The following RPS6KA3 variants were observed in gnomAD, a reference collection of about 807,000 sequenced individuals.
RPS6KA3 encodes the protein ribosomal protein S6 kinase A3, also known as ribosomal protein S6 kinase alpha-3.
A neutral mutation model predicts 67.2 loss-of-function variants in RPS6KA3; 4 were observed. That is an observed-to-expected ratio of 0.06 (90% CI 0.03 to 0.14). The LOEUF is 0.14. Among genes scored for constraint, RPS6KA3 ranks in the 10% least tolerant of loss-of-function variants. RPS6KA3 has a pLI of 1.00. For synonymous variants in RPS6KA3, 182 were observed against 183.7 expected, an observed-to-expected ratio of 0.99 and a Z score of 0.07; for missense variants, 204 against 559.0, an observed-to-expected ratio of 0.36 and a Z score of 6.40.
At chrX:20,241,120 T>C (rs1399990848) in intron 1 of RPS6KA3, among the ~76,000 whole-genome samples, 1 of 110,939 alleles carries the variant, frequency 9.0e-6, no homozygotes, top group Non-Finnish European at 1.9e-5. Flanking sequence ...CATTGTTCTA[T>C]TTTCTAGATG....
At chrX:20,255,598 C>T (rs2070020991) in intron 1 of RPS6KA3, among the ~76,000 whole-genome samples, 1 of 109,530 alleles carries the variant, frequency 9.1e-6, no homozygotes, top group Non-Finnish European at 1.9e-5. Flanking sequence ...ACCAACCTGG[C>T]CAACATGGCA....
At chrX:20,170,589 A>G (rs1431737397) in intron 15 of RPS6KA3, among the ~76,000 whole-genome samples, 1 of 111,137 alleles carries the variant, frequency 9.0e-6, no homozygotes, top group Non-Finnish European at 1.9e-5. Context: ...AATGAACAGT[A>G]AATGTATTTT....
intron 1 of RPS6KA3, among the ~76,000 whole-genome samples, chrX:20,264,258 C>T (rs113508629): frequency 0.029 from 3,243 of 112,339 alleles, 108 homozygotes; most frequent in African/African-American, 0.094. Flanking sequence ...TCTTTGAAAA[C>T]AGCAAATTGT....
chrX:20,185,687 T>C, intron 10 of RPS6KA3, among the ~76,000 whole-genome samples: 1 of 111,988 alleles, frequency 8.9e-6, no homozygotes, highest in Admixed American at 9.5e-5. Flanking sequence ...ACTTTACTTT[T>C]TTGCTTGACT....
In RPS6KA3 at chrX:20,209,371, G is replaced by T; in HGVS notation, c.160C>A (p.His54Asn). ...EVSIKEIAIT[H>N]HVKEGHEKAD... ...TTTTCATGTCCTTCCTTTACATGAT[G>T]TGTGATTGCAATTTCTTTGATACTG... Residue 54 changes from histidine (H) to asparagine (N), a missense_variant, in exon 3 of 22, where the codon CAT becomes AAT. His to Asn is a moderately conservative substitution (Grantham distance 68). Coordinates refer to ENST00000379565, the MANE Select transcript of RPS6KA3 (RefSeq NM_004586.3). 1 of 1,192,057 alleles carries T rather than the reference G, an allele frequency of 8.4e-7. No individual in the cohort carries two copies. The highest frequency in any genetic ancestry group is 1.1e-6 in the Non-Finnish European group (1 of 877,809).
intron 19 of RPS6KA3, among the ~76,000 whole-genome samples, chrX:20,162,497 G>A (rs2067329553): frequency 9.3e-6 from 1 of 107,396 alleles, no homozygotes; most frequent in Non-Finnish European, 1.9e-5. Context: ...GTATATATTA[G>A]ATAACACGAG....
At chrX:20,243,651 A>G (rs1603431064) in intron 1 of RPS6KA3, among the ~76,000 whole-genome samples, 1 of 108,444 alleles carries the variant, frequency 9.2e-6, no homozygotes, top group East Asian at 2.9e-4. Flanking sequence ...ACATCCAGCT[A>G]ATTTTTGTAT....
Position 20,154,597 on chromosome X carries a change from T to C in RPS6KA3, c.*801A>G, listed in dbSNP as rs1037385596. On this transcript the variant is annotated 3_prime_UTR_variant, in exon 22 of 22. Transcript: ENST00000379565. Reference sequence around the variant, plus strand: ...TTGCAAAGTATATGGACTAACTTCATAGGTGTATTCTTGATTTCATGCCAC... The same window carrying C: ...TTGCAAAGTATATGGACTAACTTCACAGGTGTATTCTTGATTTCATGCCAC... The C allele has an allele frequency of 1.8e-5, 2 of 112,873 alleles. No homozygotes were observed. The highest frequency in any genetic ancestry group is 6.5e-5 in the African/African-American group (2 of 30,978). The allele number at this position is 112,873 out of a possible 1,213,427, so 9.3% of individuals were successfully genotyped here.
At chrX:20,178,636 CTTTTTTTTTTTTT>C (rs757383642) in intron 10 of RPS6KA3, among the ~76,000 whole-genome samples, 1 of 39,442 alleles carries the variant, frequency 2.5e-5, no homozygotes, top group African/African-American at 9.3e-5. Context: ...CCACACCTGG[CTTTTTTTTTTTTT>C]TTTTTTTTTT....
At chrX:20,227,695 TA>T (rs2069157946) in intron 2 of RPS6KA3, among the ~76,000 whole-genome samples, 2 of 110,107 alleles carry the variant, frequency 1.8e-5, no homozygotes, top group Admixed American at 1.9e-4. Context: ...CTTTTTTTTT[TA>T]AAATTTGGTA....
At chrX:20,243,660 ATTT>A (rs1430987267) in intron 1 of RPS6KA3, among the ~76,000 whole-genome samples, 1 of 99,108 alleles carries the variant, frequency 1.0e-5, no homozygotes, top group Non-Finnish European at 2.1e-5. Flanking sequence ...TAATTTTTGT[ATTT>A]TTTTTTTTTT....
At chrX:20,193,818 T>G (rs2068202679) in intron 6 of RPS6KA3, among the ~76,000 whole-genome samples, 3 of 112,381 alleles carry the variant, frequency 2.7e-5, no homozygotes, top group Non-Finnish European at 3.8e-5. Flanking sequence ...TTTTACATTT[T>G]ATTGTTAAGT....
chrX:20,161,058 T>C (rs1196830225), intron 20 of RPS6KA3, among the ~76,000 whole-genome samples: 2 of 111,934 alleles, frequency 1.8e-5, no homozygotes. Context: ...GATCTTCCAG[T>C]GAGAAGGGCT....
chrX:20,163,666 T>TTTATTA (rs752235708), intron 18 of RPS6KA3, among the ~76,000 whole-genome samples: 1 of 109,270 alleles, frequency 9.2e-6, no homozygotes, highest in Non-Finnish European at 1.9e-5. Context: ...GCAAGACCTC[T>TTTATTA]TTATTATTAT....
chrX:20,198,075 C>T (rs1456426611), intron 4 of RPS6KA3, among the ~76,000 whole-genome samples: 2 of 112,021 alleles, frequency 1.8e-5, no homozygotes, highest in Non-Finnish European at 3.8e-5. Context: ...ATGTTATTGA[C>T]TTGTATTTGA....
chrX:20,243,598 G>T (rs906674766), intron 1 of RPS6KA3, among the ~76,000 whole-genome samples: 1 of 110,838 alleles, frequency 9.0e-6, no homozygotes, highest in African/African-American at 3.3e-5. Context: ...GGATTCTCCT[G>T]TCTCAGTCTC....
At chrX:20,201,832 TAAC>T (rs1250929650) in intron 4 of RPS6KA3, among the ~76,000 whole-genome samples, 1 of 111,059 alleles carries the variant, frequency 9.0e-6, no homozygotes, top group African/African-American at 3.3e-5. Context: ...TATGAAATGT[TAAC>T]AATTTTTGTA....
chrX:20,191,001 C>T (rs747347740), intron 7 of RPS6KA3, among the ~76,000 whole-genome samples: 68 of 110,540 alleles, frequency 6.2e-4, no homozygotes, highest in African/African-American at 2.2e-3. Context: ...GGCATTTCTC[C>T]TAATGCTATC....
At position 20,176,266 on chromosome X, in the gene RPS6KA3, A is replaced by G. The variant is rs778140223; in HGVS notation, c.1086T>C (p.Thr362=). Residue 362 remains threonine, a synonymous_variant, in exon 13 of 22, where the codon ACT becomes ACC. Coordinates refer to ENST00000379565, the MANE Select transcript of RPS6KA3 (RefSeq NM_004586.3). ...TCTCCTTACCTTTGGGAGTTTTTGC[A>G]GTAAACTCAGGATCAAAATAGAATG... ...EDTFYFDPEF[T]AKTPKDSPGI... The G allele has an allele frequency of 1.1e-5, 13 of 1,166,366 alleles. No homozygotes were observed. Among genetic ancestry groups the G allele is most frequent in the Non-Finnish European group, 1.4e-5 (12 of 855,777 alleles).
Sources: gnomAD v4.1 joint callset for allele counts (sites outside exome capture counted in the v4.1 genomes callset) on GRCh38, gnomAD v4.1.1 for gene constraint, MANE v1.5 for transcripts, NCBI Gene and HGNC (gene_info 2026-07-23, HGNC 2026-07-21) for gene names.